Variants in LARGE1 observed in about 807,000 individuals in gnomAD.
LARGE1 encodes LARGE xylosyl- and glucuronyltransferase 1.
In LARGE1, 43 loss-of-function variants were observed where a neutral mutation model predicts 87.6. That is an observed-to-expected ratio of 0.49 (90% CI 0.38 to 0.63). The LOEUF is 0.63. LARGE1 is among the 30% of genes least tolerant of loss of function. LARGE1 has a pLI of 0.00. For missense variants in LARGE1, 802 were observed against 1,000.2 expected, an observed-to-expected ratio of 0.80 and a Z score of 2.67; for synonymous variants, 434 against 394.6, an observed-to-expected ratio of 1.10 and a Z score of -1.18.
intron 2 of LARGE1, among the ~76,000 whole-genome samples, chr22:33,670,909 CA>C (rs1156229468): frequency 1.3e-5 from 2 of 151,976 alleles, no homozygotes; most frequent in African/African-American, 4.8e-5. Context: ...TGCTTAATAA[CA>C]AAATAGGTAT....
At chr22:33,481,076 G>C (rs772624898) in intron 6 of LARGE1, among the ~76,000 whole-genome samples, 7 of 151,716 alleles carry the variant, frequency 4.6e-5, no homozygotes, top group Non-Finnish European at 1.0e-4. Flanking sequence ...TGAAATGGCT[G>C]TGTCAAATAT....
At chr22:33,151,876 G>T in the LARGE1 span, among the ~76,000 whole-genome samples, 2 of 151,562 alleles carry the variant, frequency 1.3e-5, no homozygotes, top group African/African-American at 2.4e-5. Context: ...GAGGAATATT[G>T]GTTTGTAGTT....
chr22:33,477,956 C>T (rs1183707783), intron 6 of LARGE1, among the ~76,000 whole-genome samples: 2 of 152,212 alleles, frequency 1.3e-5, no homozygotes, highest in Non-Finnish European at 2.9e-5. Context: ...AGTCACAGGT[C>T]TAACTCCTTC....
intron 1 of LARGE1, among the ~76,000 whole-genome samples, chr22:33,786,286 T>C (rs893957658): frequency 6.6e-6 from 1 of 152,212 alleles, no homozygotes; most frequent in Admixed American, 6.5e-5. Flanking sequence ...TATTCAAGCA[T>C]ATTAATTGGA....
chr22:33,858,383 GA>G (rs1422672488), intron 1 of LARGE1, among the ~76,000 whole-genome samples: 1 of 152,322 alleles, frequency 6.6e-6, no homozygotes, highest in East Asian at 1.9e-4. Flanking sequence ...TTAACAGAGT[GA>G]AAACAGAGCT....
At chr22:33,876,828 T>A (rs926460066) in intron 1 of LARGE1, among the ~76,000 whole-genome samples, 5 of 144,354 alleles carry the variant, frequency 3.5e-5, no homozygotes, top group East Asian at 2.0e-4. Flanking sequence ...CATAAAAAAA[T>A]AAATAAATAA....
chr22:33,920,727 C>T (rs999055498), upstream of LARGE1, among the ~76,000 whole-genome samples: 81 of 144,922 alleles, frequency 5.6e-4, no homozygotes, highest in African/African-American at 1.9e-3. Context: ...GGGCGGCCCC[C>T]GCCGCCGGGA....
chr22:33,345,858 C>T (rs1240857543), intron 9 of LARGE1, among the ~76,000 whole-genome samples: 3 of 152,132 alleles, frequency 2.0e-5, no homozygotes, highest in East Asian at 1.9e-4. Flanking sequence ...CACTTAGACC[C>T]CAGAGGGTTC....
At chr22:33,639,958 C>T (rs1466419867) in intron 3 of LARGE1, among the ~76,000 whole-genome samples, 1 of 152,184 alleles carries the variant, frequency 6.6e-6, no homozygotes, top group Admixed American at 6.5e-5. Flanking sequence ...GTTCCTATCA[C>T]CAGATAGCTC....
chr22:33,852,954 G>C (rs1424673643), intron 1 of LARGE1, among the ~76,000 whole-genome samples: 1 of 151,722 alleles, frequency 6.6e-6, no homozygotes. Context: ...AGAGGGATGG[G>C]AATGCCAGGC....
the LARGE1 span, among the ~76,000 whole-genome samples, chr22:33,141,957 C>A: frequency 6.6e-6 from 1 of 152,168 alleles, no homozygotes; most frequent in Non-Finnish European, 1.5e-5. Context: ...ATTTTGGATT[C>A]AGATGTCACC....
chr22:33,283,391 C>G, intron 12 of LARGE1, 43 bp from the exon 13 acceptor site: 2 of 1,611,986 alleles, frequency 1.2e-6, no homozygotes, highest in Middle Eastern at 1.6e-4. Context: ...CCCTGTGACA[C>G]CAGGCCAAGG....
chr22:33,489,444 C>A (rs1279137041), intron 6 of LARGE1, among the ~76,000 whole-genome samples: 2 of 152,176 alleles, frequency 1.3e-5, no homozygotes, highest in Admixed American at 6.5e-5. Context: ...CAAATCTCAT[C>A]TTGAATTGTA....
the LARGE1 span, among the ~76,000 whole-genome samples, chr22:33,082,869 C>CA: frequency 1.3e-5 from 2 of 151,822 alleles, no homozygotes; most frequent in Non-Finnish European, 1.5e-5. Flanking sequence ...ACTAAAAATA[C>CA]AAAAAATTAG....
intron 1 of LARGE1, among the ~76,000 whole-genome samples, chr22:33,849,135 G>C (rs2063512448): frequency 6.6e-6 from 1 of 152,166 alleles, no homozygotes; most frequent in Non-Finnish European, 1.5e-5. Flanking sequence ...TCTGGTCTAG[G>C]AATGATAGTG....
At chr22:33,397,275 C>T (rs993526165) in intron 7 of LARGE1, among the ~76,000 whole-genome samples, 5 of 152,074 alleles carry the variant, frequency 3.3e-5, no homozygotes, top group African/African-American at 1.2e-4. Context: ...GCCACTATGC[C>T]CGGCTAATTT....
chr22:33,642,990 G>A (rs1258734398), intron 3 of LARGE1, among the ~76,000 whole-genome samples: 2 of 152,082 alleles, frequency 1.3e-5, no homozygotes, highest in African/African-American at 4.8e-5. Context: ...ACAGATCAAT[G>A]AGCAGAAAAT....
rs11330217 is a variant in LARGE1 at position 33,364,059 on chromosome 22, ATTT to A, written c.1131+17857_1131+17859del. 1.9e-3 allele frequency among the ~76,000 whole-genome samples: 266 copies of A among 140,330 alleles called. 19 individuals carry two copies. The highest frequency in any genetic ancestry group is 3.7e-3 in the Middle Eastern group (1 of 268). The allele number at this position is 140,330 out of a possible 152,430, so 92.1% of individuals were successfully genotyped here. A position where few individuals can be genotyped will look rare whatever the true frequency, so the allele number is the denominator to read the frequency against. On this transcript the variant is annotated intron_variant, in intron 9 of 14. Coordinates refer to ENST00000397394, the MANE Select transcript of LARGE1 (RefSeq NM_133642.5). ...TGGTCAAAGTGCATCTTTGCTATATATTTTTTTTTTTTTGAGACGGAGTCTCGC... is the reference window on the plus strand; with the variant it reads ...TGGTCAAAGTGCATCTTTGCTATATATTTTTTTTTTGAGACGGAGTCTCGC...
At chr22:33,663,181 A>G (rs1368912567) in intron 2 of LARGE1, among the ~76,000 whole-genome samples, 1 of 152,194 alleles carries the variant, frequency 6.6e-6, no homozygotes, top group Non-Finnish European at 1.5e-5. Context: ...TTTCATCAGG[A>G]GTTCAGCTTG....
Sources: allele counts gnomAD v4.1 joint callset (sites outside exome capture counted in the v4.1 genomes callset), GRCh38; gene constraint gnomAD v4.1.1; transcripts MANE v1.5; gene names NCBI Gene and HGNC (gene_info 2026-07-23, HGNC 2026-07-21).